Variants in CALCR observed in about 807,000 individuals in gnomAD.
The protein encoded by CALCR is calcitonin receptor.
CALCR carries 47 observed loss-of-function variants against 59.5 expected under a neutral mutation model. That is an observed-to-expected ratio of 0.79 (90% CI 0.63 to 1.01). CALCR has a LOEUF of 1.01. Among genes scored for constraint, CALCR ranks in the 50% least tolerant of loss-of-function variants. The pLI is 0.00. For missense variants in CALCR, 566 were observed against 597.1 expected (o/e 0.95, Z 0.54); for synonymous variants, 213 against 211.3 (o/e 1.01, Z -0.07).
At chr7:93,504,748 T>A (rs891577155) in intron 2 of CALCR, among the ~76,000 whole-genome samples, 5 of 152,128 alleles carry the variant, frequency 3.3e-5, no homozygotes, top group African/African-American at 1.2e-4. Flanking sequence ...GCCATAAGAA[T>A]GAGGTAAAAT....
chr7:93,536,579 T>A (rs1362783043), intron 2 of CALCR, among the ~76,000 whole-genome samples: 1 of 151,900 alleles, frequency 6.6e-6, no homozygotes, highest in African/African-American at 2.4e-5. Context: ...AAGTTTAGGG[T>A]ACATGTGCAC....
chr7:93,462,066 G>A lies in CALCR; in HGVS notation c.522-1119C>T, dbSNP rs749379188. On this transcript the variant is annotated intron_variant, in intron 7 of 13. Coordinates refer to ENST00000426151, the MANE Select transcript of CALCR (RefSeq NM_001742.4). ...AAAATAGCCTGGGTTTACTTACAAT[G>A]CCTTCCTATATTTCCAATTCAAAGG... 24 of 1,493,266 alleles carry A rather than the reference G, an allele frequency of 1.6e-5. 1 individual carries two copies. In the East Asian group the frequency reaches 5.8e-4, roughly 36 times the overall value. 92.5% of individuals were successfully genotyped at this position (1,493,266 alleles called of 1,614,324 possible).
At chr7:93,479,568 T>A in intron 3 of CALCR, 61 bp from the exon 4 acceptor site, 1 of 1,451,932 alleles carries the variant, frequency 6.9e-7, no homozygotes, top group Admixed American at 2.2e-5. Context: ...CACAAATAAA[T>A]GAGACAATGA....
intron 2 of CALCR, among the ~76,000 whole-genome samples, chr7:93,565,717 G>A (rs948069582): frequency 2.6e-5 from 4 of 152,198 alleles, no homozygotes; most frequent in African/African-American, 9.6e-5. Flanking sequence ...CAGTCCTGTA[G>A]AAGGCCCAGT....
rs188154564 is a variant in CALCR, at chr7:93,569,689, A to G, written c.-27+4600T>C. 2.0e-5 allele frequency among the ~76,000 whole-genome samples: 3 copies of G among 152,288 alleles called. No homozygotes were observed. The East Asian group carries it at 5.8e-4, about 29-fold the overall frequency. ...TAATCTGTCACAATATCCCCTGACT[A>G]GGACATAATAGGCACTTAGTACATA... On this transcript the variant is annotated intron_variant, in intron 2 of 13. Transcript: ENST00000426151.
intron 2 of CALCR, among the ~76,000 whole-genome samples, chr7:93,523,192 T>C (rs1801800450): frequency 6.6e-6 from 1 of 152,226 alleles, no homozygotes; most frequent in Admixed American, 6.5e-5. Context: ...AAAATTGCTT[T>C]GAATTTTCTC....
At chr7:93,486,437 C>T (rs980477779) in intron 3 of CALCR, among the ~76,000 whole-genome samples, 2 of 151,346 alleles carry the variant, frequency 1.3e-5, no homozygotes, top group Non-Finnish European at 3.0e-5. Flanking sequence ...TTGAAGTTTC[C>T]ATAGTCAGTT....
intron 2 of CALCR, among the ~76,000 whole-genome samples, chr7:93,555,180 T>C (rs997873256): frequency 2.0e-5 from 3 of 152,040 alleles, no homozygotes; most frequent in African/African-American, 7.2e-5. Flanking sequence ...ACAGGCATAC[T>C]ACTCATGTGT....
intron 2 of CALCR, among the ~76,000 whole-genome samples, chr7:93,548,677 A>G (rs1232193158): frequency 6.6e-6 from 1 of 151,844 alleles, no homozygotes; most frequent in African/African-American, 2.4e-5. Flanking sequence ...AACAGAAAAA[A>G]AAAACCCAAA....
rs1799492877 is a variant in CALCR at position 93,424,975 on chromosome 7, A to AAAT, written c.*1378_*1380dup. The AAAT allele has an allele frequency of 6.6e-6, 1 of 152,632 alleles. No individual in the cohort carries two copies. The highest frequency in any genetic ancestry group is 6.5e-5 in the Admixed American group (1 of 15,282). 9.5% of individuals were successfully genotyped at this position (152,632 alleles called of 1,614,324 possible). On this transcript the variant is annotated 3_prime_UTR_variant, in exon 14 of 14. Transcript: ENST00000426151. ...AAATCACTTCTGAAAGGCAGTGGCA[A>AAAT]AATATGACATAGATGAGACTGGAGA... is the stretch of plus-strand genomic sequence containing the variant.
intron 5 of CALCR, among the ~76,000 whole-genome samples, chr7:93,473,861 G>A (rs1426901469): frequency 1.3e-5 from 2 of 151,508 alleles, no homozygotes; most frequent in South Asian, 2.1e-4. Context: ...ATTCAGTGCT[G>A]GTTACAGTAT....
At chr7:93,448,106 A>G (rs1294962444) in intron 8 of CALCR, among the ~76,000 whole-genome samples, 2 of 152,004 alleles carry the variant, frequency 1.3e-5, no homozygotes, top group Admixed American at 1.3e-4. Flanking sequence ...AAACTTTGGC[A>G]AGGCCAAGCC....
At chr7:93,436,203 C>A in intron 11 of CALCR, 33 bp from the exon 12 acceptor site, 1 of 1,543,706 alleles carries the variant, frequency 6.5e-7, no homozygotes, top group Non-Finnish European at 9.0e-7. Context: ...GCAAATCATA[C>A]AGAAAAGTAT....
intron 2 of CALCR, among the ~76,000 whole-genome samples, chr7:93,568,509 TTCTCTCTC>T (rs4015269): frequency 0.051 from 5,254 of 102,292 alleles, 127 homozygotes; most frequent in Middle Eastern, 0.098. Flanking sequence ...TAAAATTACT[TTCTCTCTC>T]TCTCTCTCTC....
intron 2 of CALCR, among the ~76,000 whole-genome samples, chr7:93,554,508 G>T (rs1451857914): frequency 2.0e-5 from 3 of 151,848 alleles, no homozygotes; most frequent in African/African-American, 7.3e-5. Flanking sequence ...TTCCAACAAG[G>T]GATTTATACT....
intron 2 of CALCR, among the ~76,000 whole-genome samples, chr7:93,535,072 T>C (rs770775873): frequency 1.3e-5 from 2 of 151,682 alleles, no homozygotes; most frequent in Non-Finnish European, 3.0e-5. Flanking sequence ...GTAAACTCTA[T>C]TTCCTCTCAA....
chr7:93,543,740 GA>G (rs1465475339), intron 2 of CALCR, among the ~76,000 whole-genome samples: 1 of 151,778 alleles, frequency 6.6e-6, no homozygotes, highest in Non-Finnish European at 1.5e-5. Context: ...TTTTGGCTAA[GA>G]TTTTTTTCCA....
At chr7:93,477,452 T>C (rs148228198) in intron 5 of CALCR, 106 bp downstream of exon 5, 122 of 656,232 alleles carry the variant, frequency 1.9e-4, no homozygotes, top group African/African-American at 1.8e-3. Flanking sequence ...TGCTAAAATG[T>C]GGAGTATGAT....
At chr7:93,502,480 G>T (rs562641515) in intron 2 of CALCR, among the ~76,000 whole-genome samples, 4 of 152,016 alleles carry the variant, frequency 2.6e-5, no homozygotes, top group African/African-American at 9.6e-5. Context: ...TTCTTTAATT[G>T]ATCTACTCTT....
Sources: allele counts gnomAD v4.1 joint callset (sites outside exome capture counted in the v4.1 genomes callset), GRCh38; gene constraint gnomAD v4.1.1; transcripts MANE v1.5; gene names NCBI Gene and HGNC (gene_info 2026-07-23, HGNC 2026-07-21).